Variants in EPHX4 observed in about 807,000 individuals in gnomAD.
The protein encoded by EPHX4 is epoxide hydrolase 4.
EPHX4 carries 31 observed loss-of-function variants against 44.9 expected under a neutral mutation model. That is an observed-to-expected ratio of 0.69 (90% CI 0.52 to 0.93). EPHX4 has a LOEUF of 0.93. Ranked by LOEUF, EPHX4 falls within the 40% of genes least tolerant of loss-of-function variation. The pLI is 0.00. For missense variants in EPHX4, 373 were observed against 438.1 expected, an observed-to-expected ratio of 0.85 and a Z score of 1.33; for synonymous variants, 151 against 159.7, an observed-to-expected ratio of 0.95 and a Z score of 0.41.
chr1:92,046,525 G>A (rs1189403517), intron 4 of EPHX4, among the ~76,000 whole-genome samples: 1 of 152,060 alleles, frequency 6.6e-6, no homozygotes, highest in African/African-American at 2.4e-5. Flanking sequence ...GTGCAGTGGC[G>A]CCATCTCGGC....
Position 92,048,060 on chromosome 1 carries a change from A to G in EPHX4, c.605-2257A>G, listed in dbSNP as rs1387642609. ...AAGTACTACTACTACCCACAGCAGG[A>G]CTCTAGGAAATAAAAAATTCAGAAC... On this transcript the variant is annotated intron_variant, in intron 4 of 6. Transcript: ENST00000370383. Among the ~76,000 whole-genome samples, 8 of 152,284 alleles carry G rather than the reference A, an allele frequency of 5.3e-5. No homozygotes were observed. In the East Asian group the frequency reaches 1.3e-3, roughly 26 times the overall value.
At chr1:92,057,693 A>G (rs936515658) in intron 6 of EPHX4, among the ~76,000 whole-genome samples, 4 of 151,560 alleles carry the variant, frequency 2.6e-5, no homozygotes, top group Non-Finnish European at 2.9e-5. Flanking sequence ...TCTGCCTCCC[A>G]GGTTCAAGTG....
chr1:92,050,604 C>T (rs1404438474), intron 5 of EPHX4, among the ~76,000 whole-genome samples, 184 bp downstream of exon 5: 1 of 151,958 alleles, frequency 6.6e-6, no homozygotes, highest in Non-Finnish European at 1.5e-5. Flanking sequence ...AAATACCTGG[C>T]TGTTCTTCAA....
chr1:92,056,046 T>C (rs1160641119), intron 6 of EPHX4, among the ~76,000 whole-genome samples: 1 of 151,868 alleles, frequency 6.6e-6, no homozygotes, highest in Non-Finnish European at 1.5e-5. Context: ...CCTATAAACT[T>C]CAAAACAGTT....
At chr1:92,034,136 C>CAA (rs34520279) in intron 2 of EPHX4, among the ~76,000 whole-genome samples, 89 of 120,674 alleles carry the variant, frequency 7.4e-4, no homozygotes, top group Admixed American at 8.0e-4. Context: ...ACTAAAAATA[C>CAA]AAAAAAAAAA....
intron 3 of EPHX4, 83 bp from the exon 4 acceptor site, chr1:92,045,449 A>G: frequency 6.6e-7 from 1 of 1,509,576 alleles, no homozygotes; most frequent in South Asian, 1.2e-5. Flanking sequence ...GAGGTACTTC[A>G]GAAGTATAAC....
In EPHX4 at chr1:92,030,046, G is replaced by A. The variant is rs1688329842; in HGVS notation, c.-34G>A. The stretch of plus-strand genomic sequence containing the variant: ...CTGCGGCGCTCGCTCACCCGCTCCC[G>A]AGGAAGGGCAGTGGGCCCCGCCGCC... On this transcript the variant is annotated 5_prime_UTR_variant, in exon 1 of 7. Transcript: ENST00000370383. 1 of 1,486,132 alleles carries A rather than the reference G, an allele frequency of 6.7e-7. No individual in the cohort carries two copies. Among genetic ancestry groups the A allele is most frequent in the Non-Finnish European group, 9.0e-7 (1 of 1,115,056 alleles). The allele number at this position is 1,486,132 out of a possible 1,614,324, so 92.1% of individuals were successfully genotyped here.
chr1:92,045,565 G>C lies in EPHX4; in HGVS notation c.509G>C (p.Trp170Ser), dbSNP rs771576225. ...AAATGTGTTCTTATTGGCCATGACT[G>C]GGGGGGCATGATTGCTTGGCTAATT... ...YSKCVLIGHD[W>S]GGMIAWLIAI... The change falls in exon 4 of 7, where the codon TGG becomes TCG. Residue 170 changes from tryptophan (W) to serine (S), a missense_variant. Transcript: ENST00000370383. The C allele has an allele frequency of 2.4e-5, 39 of 1,613,276 alleles. 1 individual carries two copies. The highest frequency in any genetic ancestry group is 1.5e-4 in the South Asian group (14 of 91,014).
At chr1:92,053,300 T>G (rs1647298523) in intron 6 of EPHX4, among the ~76,000 whole-genome samples, 1 of 152,110 alleles carries the variant, frequency 6.6e-6, no homozygotes, top group Non-Finnish European at 1.5e-5. Flanking sequence ...GGAGGAGGGT[T>G]GTAGCTTCAA....
At chr1:92,046,375 G>A (rs1450858183) in intron 4 of EPHX4, among the ~76,000 whole-genome samples, 2 of 152,158 alleles carry the variant, frequency 1.3e-5, no homozygotes, top group Non-Finnish European at 2.9e-5. Flanking sequence ...ATTGGAAAAG[G>A]GAGGAGTATT....
intron 4 of EPHX4, among the ~76,000 whole-genome samples, chr1:92,048,933 C>T (rs1425261239): frequency 6.6e-6 from 1 of 151,854 alleles, no homozygotes; most frequent in Non-Finnish European, 1.5e-5. Context: ...AAACCCTTGG[C>T]TTCAAGCAGT....
rs541494978 is a variant in EPHX4, at chr1:92,050,435, TCAAA to T, written c.708+20_708+23del. 68 of 1,350,714 alleles carry T rather than the reference TCAAA, an allele frequency of 5.0e-5. No homozygotes were observed. In the East Asian group the frequency reaches 1.4e-3, roughly 28 times the overall value. The allele number at this position is 1,350,714 out of a possible 1,614,324, so 83.7% of individuals were successfully genotyped here. ...ATGATTTCAAGGTAAGCCAAACAAA[TCAAA>T]CAAATAATGTATTATTATTATTATT... On this transcript the variant is annotated intron_variant, in intron 5 of 6. Coordinates refer to ENST00000370383, the MANE Select transcript of EPHX4 (RefSeq NM_173567.5).
At chr1:92,031,683 C>T (rs1350821877) in intron 1 of EPHX4, among the ~76,000 whole-genome samples, 1 of 152,154 alleles carries the variant, frequency 6.6e-6, no homozygotes, top group African/African-American at 2.4e-5. Context: ...CTGTGTTTAG[C>T]TTTTGGTTCT....
In EPHX4 at chr1:92,052,767, G is replaced by A. The variant is rs112788601; in HGVS notation, c.857+109G>A. 4.5e-5 allele frequency: 45 copies of A among 1,010,278 alleles called. No homozygotes were observed. In the African/African-American group the frequency reaches 5.8e-4, roughly 13 times the overall value. The allele number at this position is 1,010,278 out of a possible 1,614,324, so 62.6% of individuals were successfully genotyped here. On this transcript the variant is annotated intron_variant, in intron 6 of 6. Coordinates refer to ENST00000370383, the MANE Select transcript of EPHX4 (RefSeq NM_173567.5). The stretch of plus-strand genomic sequence containing the variant: ...ACCACTTATCCAAAGACTCAAATAA[G>A]GTATTTTAATTTTTTTAGTAAGTTG...
chr1:92,052,627 G>A lies in EPHX4; in HGVS notation c.826G>A (p.Gly276Ser). 11 of 1,610,036 alleles carry A rather than the reference G, an allele frequency of 6.8e-6. No homozygotes were observed. Among genetic ancestry groups the A allele is most frequent in the Non-Finnish European group, 8.5e-6 (10 of 1,178,804 alleles). ...YVFSQPGALS[G>S]PINHYRNIFS... ...CTTTTCTCAGCCTGGAGCATTAAGTGGCCCAATTAACCATTACCGAAATAT... is the reference window on the plus strand; with the variant it reads ...CTTTTCTCAGCCTGGAGCATTAAGTAGCCCAATTAACCATTACCGAAATAT... The change falls in exon 6 of 7, where the codon GGC (glycine) becomes AGC (serine). Residue 276 changes from glycine to serine, a missense_variant. Coordinates refer to ENST00000370383, the MANE Select transcript of EPHX4 (RefSeq NM_173567.5).
At chr1:92,035,642 T>C (rs890989086) in intron 2 of EPHX4, among the ~76,000 whole-genome samples, 11 of 152,184 alleles carry the variant, frequency 7.2e-5, no homozygotes, top group African/African-American at 2.7e-4. Context: ...CTGGAATACA[T>C]GTGCAGGACA....
rs540443901 is a variant in EPHX4 at position 92,032,340 on chromosome 1, C to A, written c.232-165C>A. On this transcript the variant is annotated intron_variant, in intron 1 of 6. Coordinates refer to ENST00000370383, the MANE Select transcript of EPHX4 (RefSeq NM_173567.5). ...AAAATTAATAAAAGTAAATATATTT[C>A]TTGATGTTAAAAATAAGGCAACTGA... Among the ~76,000 whole-genome samples the A allele has an allele frequency of 3.3e-5, 5 of 152,106 alleles. No homozygotes were observed. The South Asian group carries it at 6.2e-4, about 19-fold the overall frequency.
chr1:92,032,469 C>T, intron 1 of EPHX4, 36 bp from the exon 2 acceptor site: 1 of 1,499,766 alleles, frequency 6.7e-7, no homozygotes, highest in Non-Finnish European at 9.3e-7. Context: ...TCAATCAACA[C>T]AAACATCACT....
Position 92,045,524 on chromosome 1 carries a change from G to A in EPHX4, c.476-8G>A, listed in dbSNP as rs962966157. 11 of 1,613,042 alleles carry A rather than the reference G, an allele frequency of 6.8e-6. No individual in the cohort carries two copies. Among genetic ancestry groups the A allele is most frequent in the East Asian group, 2.2e-5 (1 of 44,828 alleles). On this transcript the variant is annotated splice_region_variant and splice_polypyrimidine_tract_variant and intron_variant, in intron 3 of 6. Coordinates refer to ENST00000370383, the MANE Select transcript of EPHX4 (RefSeq NM_173567.5). ...TTAATGATGTCAACATTTATTTCTT[G>A]TTTACAGGGTATAGCAAATGTGTTC...
Sources: allele counts gnomAD v4.1 joint callset (sites outside exome capture counted in the v4.1 genomes callset), GRCh38; gene constraint gnomAD v4.1.1; transcripts MANE v1.5; gene names NCBI Gene and HGNC (gene_info 2026-07-23, HGNC 2026-07-21).